Variants in NCAPD3 observed in about 807,000 individuals in gnomAD.
NCAPD3 encodes non-SMC condensin II complex subunit D3.
NCAPD3 carries 105 observed loss-of-function variants against 182.9 expected under a neutral mutation model. That is an observed-to-expected ratio of 0.57 (90% CI 0.49 to 0.68). The LOEUF (loss-of-function observed/expected upper bound fraction) is 0.68, where lower values mean the gene tolerates loss of function less well. Among genes scored for constraint, NCAPD3 ranks in the 30% least tolerant of loss-of-function variants. NCAPD3 has a pLI of 0.00. For synonymous variants in NCAPD3, 815 were observed against 679.9 expected (o/e 1.20, Z -3.09); for missense variants, 1,944 against 1,837.0 (o/e 1.06, Z -1.07).
Position 134,158,392 on chromosome 11 carries a change from T to G in NCAPD3, c.3971A>C (p.His1324Pro). ...QPCTPRASAGHVAVSSPTPET... is the reference protein window; with the variant it reads ...QPCTPRASAGPVAVSSPTPET... ...AGGTGTAGGAGATGATACTGCTACA[T>G]GGCCAGCACTTGCCCTGGGTGTGCA... The change falls in exon 30 of 35, where the codon CAT (histidine) becomes CCT (proline). Residue 1324 changes from histidine to proline, a missense_variant. This residue lies in a region of NCAPD3 where 1,803 missense variants were observed against 1,674.6 expected (regional missense o/e 1.08). Transcript: ENST00000534548. 6.2e-7 allele frequency: 1 copy of G among 1,614,224 alleles called. No individual in the cohort carries two copies. Among genetic ancestry groups the G allele is most frequent in the African/African-American group, 1.3e-5 (1 of 75,056 alleles).
At chr11:134,176,479 C>T (rs1039168434) in intron 23 of NCAPD3, 93 bp from the exon 24 acceptor site, 9 of 1,017,410 alleles carry the variant, frequency 8.8e-6, no homozygotes, top group Middle Eastern at 2.3e-4. Context: ...GCGGTCTGTC[C>T]CCGGCACACT....
At chr11:134,186,657 T>G (rs1591843275) in intron 16 of NCAPD3, among the ~76,000 whole-genome samples, 2 of 152,234 alleles carry the variant, frequency 1.3e-5, no homozygotes, top group East Asian at 3.8e-4. Flanking sequence ...TTCTTAGACT[T>G]CTGGGAAAAC....
intron 27 of NCAPD3, among the ~76,000 whole-genome samples, chr11:134,164,783 T>G (rs1370697260): frequency 1.3e-5 from 2 of 148,820 alleles, no homozygotes; most frequent in Admixed American, 6.7e-5. Context: ...AGCTGCACAC[T>G]CGTGAAATGA....
intron 27 of NCAPD3, among the ~76,000 whole-genome samples, chr11:134,167,674 G>A (rs1014537520): frequency 7.2e-6 from 1 of 138,388 alleles, no homozygotes; most frequent in Non-Finnish European, 1.6e-5. Context: ...TCACTTGTGA[G>A]ATGAGCTTGG....
intron 31 of NCAPD3, among the ~76,000 whole-genome samples, chr11:134,157,525 G>A (rs926674660): frequency 5.3e-5 from 8 of 152,216 alleles, no homozygotes; most frequent in African/African-American, 1.9e-4. Flanking sequence ...CAGCCACAAT[G>A]CTATAAAGCC....
At chr11:134,169,077 G>A (rs1176508462) in intron 24 of NCAPD3, 23 bp from the exon 25 acceptor site, 3 of 1,608,210 alleles carry the variant, frequency 1.9e-6, no homozygotes, top group East Asian at 2.2e-5. Flanking sequence ...GAGAAACAAA[G>A]AGGGAGACCC....
At chr11:134,212,927 T>C (rs1043775864) in intron 3 of NCAPD3, among the ~76,000 whole-genome samples, 2 of 151,416 alleles carry the variant, frequency 1.3e-5, no homozygotes, top group Admixed American at 6.6e-5. Context: ...AAATAGAAAA[T>C]AAATAGAAAA....
intron 13 of NCAPD3, among the ~76,000 whole-genome samples, chr11:134,198,944 C>T (rs1267401459): frequency 3.9e-5 from 6 of 152,046 alleles, no homozygotes; most frequent in Non-Finnish European, 7.4e-5. Context: ...AAATTAAAGA[C>T]CGAAAGAAAT....
chr11:134,165,504 T>G (rs1367039079), intron 27 of NCAPD3, among the ~76,000 whole-genome samples: 1 of 137,022 alleles, frequency 7.3e-6, no homozygotes, highest in Non-Finnish European at 1.5e-5. Context: ...TGAGATGAGC[T>G]TACGGGAGCA....
At chr11:134,219,363 T>C (rs1479494603) in intron 2 of NCAPD3, among the ~76,000 whole-genome samples, 1 of 152,192 alleles carries the variant, frequency 6.6e-6, no homozygotes, top group East Asian at 1.9e-4. Flanking sequence ...ACAGTGGCAC[T>C]GAACTCTCCA....
intron 22 of NCAPD3, among the ~76,000 whole-genome samples, chr11:134,178,264 C>T (rs564534908): frequency 1.2e-4 from 19 of 152,202 alleles, no homozygotes; most frequent in African/African-American, 3.6e-4. Flanking sequence ...GAACAGACTT[C>T]GTGGGGCTGC....
intron 21 of NCAPD3, 25 bp downstream of exon 21, chr11:134,178,795 TAC>T: frequency 1.2e-6 from 2 of 1,612,950 alleles, no homozygotes; most frequent in Non-Finnish European, 1.7e-6. Context: ...GCATGCGTGC[TAC>T]AGAGTATGAT....
At chr11:134,206,924 GT>G (rs1334585205) in intron 7 of NCAPD3, among the ~76,000 whole-genome samples, 192 bp from the exon 8 acceptor site, 10 of 152,298 alleles carry the variant, frequency 6.6e-5, no homozygotes, top group Admixed American at 5.9e-4. Flanking sequence ...AATGTAAACA[GT>G]GTGAAAGAAT....
chr11:134,208,742 T>C (rs536216374), intron 7 of NCAPD3, 122 bp downstream of exon 7: 1 of 690,980 alleles, frequency 1.4e-6, no homozygotes, highest in South Asian at 1.7e-5. Flanking sequence ...TAATATAAGG[T>C]CATGAAAATG....
At chr11:134,207,513 C>G (rs542706833) in intron 7 of NCAPD3, among the ~76,000 whole-genome samples, 2 of 151,984 alleles carry the variant, frequency 1.3e-5, no homozygotes, top group Admixed American at 1.3e-4. Context: ...TTTGGGAAAC[C>G]AAGGAGGGTG....
In NCAPD3 at chr11:134,168,558, C is replaced by A; in HGVS notation, c.3284G>T (p.Arg1095Ile). ...AAGAAATTTGTAGATTTTCATTCGT[C>A]TCTCTTTGTTTGACTTTCCCTTCAA... is the stretch of plus-strand genomic sequence containing the variant. Reference protein sequence around the residue: ...FSLKGKSNKERRMKIYKFLLE... With the variant: ...FSLKGKSNKEIRMKIYKFLLE... The change falls in exon 26 of 35, where the codon AGA (arginine) becomes ATA (isoleucine). Residue 1095 changes from arginine to isoleucine, a missense_variant. By Grantham distance (97) the Arg-to-Ile change is moderately conservative. This residue lies in a region of NCAPD3 where 1,803 missense variants were observed against 1,674.6 expected (regional missense o/e 1.08). Coordinates refer to ENST00000534548, the MANE Select transcript of NCAPD3 (RefSeq NM_015261.3). 1.2e-6 allele frequency: 2 copies of A among 1,614,098 alleles called. No individual in the cohort carries two copies. The highest frequency in any genetic ancestry group is 1.7e-6 in the Non-Finnish European group (2 of 1,179,952).
Position 134,153,065 on chromosome 11 carries a change from CAT to C in NCAPD3, c.4389-15_4389-14del, listed in dbSNP as rs1565511881. On this transcript the variant is annotated splice_polypyrimidine_tract_variant and intron_variant, in intron 34 of 34. Coordinates refer to ENST00000534548, the MANE Select transcript of NCAPD3 (RefSeq NM_015261.3). ...AGGCTGTGGGGGCCTAGGGAAAGGA[CAT>C]GTGCAGTCATTCTGGAACTCAGAAA... The C allele has an allele frequency of 5.6e-6, 9 of 1,609,594 alleles. No homozygotes were observed. Among genetic ancestry groups the C allele is most frequent in the Non-Finnish European group, 7.6e-6 (9 of 1,176,738 alleles).
At chr11:134,225,176 T>G, upstream of NCAPD3, 1 of 1,613,908 alleles carries the variant, frequency 6.2e-7, no homozygotes. Context: ...TTCTGAACGA[T>G]GCAGAGAGTA....
At chr11:134,163,621 AC>A (rs1424796289) in intron 27 of NCAPD3, among the ~76,000 whole-genome samples, 1 of 149,916 alleles carries the variant, frequency 6.7e-6, no homozygotes, top group East Asian at 2.0e-4. Flanking sequence ...AATGGCATGA[AC>A]CCAGGGGGGC....
Sources: allele counts gnomAD v4.1 joint callset (sites outside exome capture counted in the v4.1 genomes callset), GRCh38; gene constraint gnomAD v4.1.1; regional missense constraint gnomAD v4.1.1; transcripts MANE v1.5; gene names NCBI Gene and HGNC (gene_info 2026-07-23, HGNC 2026-07-21).